The following PAN3 variants were observed in gnomAD, a reference collection of about 807,000 sequenced individuals.
PAN3 encodes poly(A) specific ribonuclease subunit PAN3, also known as PAN2-PAN3 deadenylation complex subunit PAN3.
Under a neutral mutation model 96.2 loss-of-function variants are expected in PAN3, and 19 were observed. The observed-to-expected ratio is 0.20, with a 90% CI of 0.14 to 0.29. The LOEUF (loss-of-function observed/expected upper bound fraction) is 0.29, where lower values mean the gene tolerates loss of function less well. Ranked by LOEUF, PAN3 falls within the 10% of genes least tolerant of loss-of-function variation. PAN3 has a pLI of 1.00. For synonymous variants in PAN3, 433 were observed against 406.6 expected, an observed-to-expected ratio of 1.06 and a Z score of -0.78; for missense variants, 882 against 1,108.1, an observed-to-expected ratio of 0.80 and a Z score of 2.90.
At chr13:28,252,133 C>CT (rs1884785110) in intron 6 of PAN3, among the ~76,000 whole-genome samples, 1 of 150,978 alleles carries the variant, frequency 6.6e-6, no homozygotes. Context: ...GGTGGCCTGC[C>CT]TGCCTCAGCC....
At chr13:28,223,251 A>G (rs1881592066) in intron 6 of PAN3, among the ~76,000 whole-genome samples, 1 of 152,224 alleles carries the variant, frequency 6.6e-6, no homozygotes, top group African/African-American at 2.4e-5. Context: ...AAAAAGCGTT[A>G]AAATTTGTGA....
chr13:28,282,851 C>T (rs1032783871), intron 17 of PAN3, among the ~76,000 whole-genome samples: 1 of 151,872 alleles, frequency 6.6e-6, no homozygotes, highest in Non-Finnish European at 1.5e-5. Flanking sequence ...GTGTTGGATA[C>T]CCTGTTTTCT....
In PAN3 at chr13:28,294,888, C is replaced by G. The variant is rs1870143228; in HGVS notation, c.*2366C>G. On this transcript the variant is annotated 3_prime_UTR_variant, in exon 19 of 19. Coordinates refer to ENST00000380958, the MANE Select transcript of PAN3 (RefSeq NM_175854.8). ...TTGGGAATGGTTTTCAAAGAACTCT[C>G]AGTTCTGCCTAGGTGTTTTTGGGGG... 2 of 152,244 alleles carry G rather than the reference C, an allele frequency of 1.3e-5. No individual in the cohort carries two copies. The highest frequency in any genetic ancestry group is 4.1e-4 in the South Asian group (2 of 4,824). The allele number at this position is 152,244 out of a possible 1,614,324, so 9.4% of individuals were successfully genotyped here. A position where few individuals can be genotyped will look rare whatever the true frequency, so the allele number is the denominator to read the frequency against.
intron 17 of PAN3, among the ~76,000 whole-genome samples, chr13:28,285,077 G>T (rs1208149351): frequency 4.6e-5 from 7 of 152,012 alleles, no homozygotes; most frequent in Non-Finnish European, 1.5e-5. Context: ...GTATTCTTAG[G>T]TATTTCATCT....
intron 1 of PAN3, among the ~76,000 whole-genome samples, chr13:28,139,312 G>C (rs1284870206): frequency 1.5e-5 from 2 of 136,440 alleles, no homozygotes; most frequent in Non-Finnish European, 3.2e-5. Flanking sequence ...GGGTTCCCGG[G>C]AACGTGGGTG....
In PAN3 at chr13:28,258,397, A is replaced by G. The variant is rs183869254; in HGVS notation, c.1248+1858A>G. 7.5e-3 allele frequency among the ~76,000 whole-genome samples: 1,138 copies of G among 152,342 alleles called. 15 individuals carry two copies. The highest frequency in any genetic ancestry group is 0.026 in the African/African-American group (1,088 of 41,586). On this transcript the variant is annotated intron_variant, in intron 7 of 18. Transcript: ENST00000380958. Reference sequence around the variant, plus strand: ...ATGGACCAGTGAAGGAGAGGCAGAGAAAAGAGTGATAAAGAGAACAAAGGG... The same window carrying G: ...ATGGACCAGTGAAGGAGAGGCAGAGGAAAGAGTGATAAAGAGAACAAAGGG...
chr13:28,139,475 C>T (rs1363547462), intron 1 of PAN3, among the ~76,000 whole-genome samples: 3 of 138,468 alleles, frequency 2.2e-5, no homozygotes, highest in African/African-American at 5.6e-5. Flanking sequence ...GGAGTGGCGT[C>T]TGCAGAGTGT....
chr13:28,139,130 A>G, intron 1 of PAN3, 43 bp downstream of exon 1: 1 of 1,269,448 alleles, frequency 7.9e-7, no homozygotes, highest in Non-Finnish European at 9.9e-7. Flanking sequence ...GGCGGAGGGC[A>G]GGCCTGGGCC....
intron 1 of PAN3, among the ~76,000 whole-genome samples, chr13:28,143,538 G>A (rs1436705180): frequency 6.6e-6 from 1 of 152,136 alleles, no homozygotes; most frequent in African/African-American, 2.4e-5. Context: ...AATAAGACAT[G>A]TTTCAGATAG....
chr13:28,181,196 C>G (rs1412076560), intron 4 of PAN3, among the ~76,000 whole-genome samples: 1 of 152,042 alleles, frequency 6.6e-6, no homozygotes, highest in East Asian at 1.9e-4. Flanking sequence ...TTAGGAACTT[C>G]AAGGGAAATG....
At chr13:28,229,215 A>G (rs1193945690) in intron 6 of PAN3, among the ~76,000 whole-genome samples, 2 of 152,204 alleles carry the variant, frequency 1.3e-5, no homozygotes, top group African/African-American at 4.8e-5. Flanking sequence ...ATGAATATAC[A>G]TTTGAGATAT....
chr13:28,242,049 G>T (rs1365879809), intron 6 of PAN3, among the ~76,000 whole-genome samples: 1 of 152,032 alleles, frequency 6.6e-6, no homozygotes, highest in Non-Finnish European at 1.5e-5. Context: ...AGATTGCATT[G>T]ACCTAGAAAA....
At chr13:28,288,830 T>A (rs1377226761) in intron 18 of PAN3, among the ~76,000 whole-genome samples, 3 of 67,302 alleles carry the variant, frequency 4.5e-5, no homozygotes, top group Admixed American at 1.8e-4. Flanking sequence ...AACTATAGAT[T>A]TTTTTTTTTT....
intron 1 of PAN3, among the ~76,000 whole-genome samples, chr13:28,170,112 TC>T (rs1319652159): frequency 6.6e-6 from 1 of 152,196 alleles, no homozygotes; most frequent in Non-Finnish European, 1.5e-5. Flanking sequence ...ATATCAGCAC[TC>T]CCTTGCCACC....
At chr13:28,139,445 T>C (rs1416388512) in intron 1 of PAN3, among the ~76,000 whole-genome samples, 4 of 149,726 alleles carry the variant, frequency 2.7e-5, no homozygotes, top group Non-Finnish European at 5.9e-5. Context: ...TGCAGGCACA[T>C]GTGTTTTGCG....
intron 9 of PAN3, among the ~76,000 whole-genome samples, chr13:28,263,409 T>G (rs1885897508): frequency 6.6e-6 from 1 of 152,266 alleles, no homozygotes. Context: ...CGCAGCTCAC[T>G]GCAACCTCCG....
intron 3 of PAN3, among the ~76,000 whole-genome samples, chr13:28,177,153 G>T (rs1875126884): frequency 6.6e-6 from 1 of 152,026 alleles, no homozygotes; most frequent in Admixed American, 6.6e-5. Flanking sequence ...AAATATTTAA[G>T]TATATCTCAC....
chr13:28,289,699 G>A (rs1402508825), intron 18 of PAN3, among the ~76,000 whole-genome samples: 1 of 152,142 alleles, frequency 6.6e-6, no homozygotes. Context: ...GGCTAACACG[G>A]TGAAACCCCG....
intron 1 of PAN3, among the ~76,000 whole-genome samples, chr13:28,166,311 C>G (rs1873530038): frequency 6.6e-6 from 1 of 152,130 alleles, no homozygotes; most frequent in African/African-American, 2.4e-5. Flanking sequence ...ATAGCAGATC[C>G]CAAGAAAGCC....
Sources: allele counts gnomAD v4.1 joint callset (sites outside exome capture counted in the v4.1 genomes callset), GRCh38; gene constraint gnomAD v4.1.1; transcripts MANE v1.5; gene names NCBI Gene and HGNC (gene_info 2026-07-23, HGNC 2026-07-21).